FAM53B: variants seen among roughly 807,000 people sequenced by gnomAD.
The protein encoded by FAM53B is protein FAM53B.
In FAM53B, 12 loss-of-function variants were observed where a neutral mutation model predicts 32.7. The observed-to-expected ratio is 0.37, with a 90% CI of 0.24 to 0.59. The LOEUF (loss-of-function observed/expected upper bound fraction) is 0.59. FAM53B is among the 20% of genes least tolerant of loss of function. The probability of loss-of-function intolerance (pLI) is 0.72; values close to 1 mark genes in which losing one functional copy is unlikely to be tolerated. For synonymous variants in FAM53B, 234 were observed against 228.7 expected, an observed-to-expected ratio of 1.02 and a Z score of -0.21; for missense variants, 477 against 577.7, an observed-to-expected ratio of 0.83 and a Z score of 1.79.
chr10:124,706,579 C>G, intron 2 of FAM53B, 57 bp downstream of exon 2: 1 of 1,609,582 alleles, frequency 6.2e-7, no homozygotes, highest in Non-Finnish European at 8.5e-7. Context: ...ACAGCCCTGT[C>G]TGTACATCAG....
intron 3 of FAM53B, among the ~76,000 whole-genome samples, chr10:124,695,504 T>C (rs1195388617): frequency 1.3e-5 from 2 of 152,320 alleles, no homozygotes; most frequent in South Asian, 2.1e-4. Flanking sequence ...TCCTGGAAAC[T>C]ATCCTAGCAA....
intron 1 of FAM53B, among the ~76,000 whole-genome samples, chr10:124,726,919 G>T (rs1007658084): frequency 1.1e-4 from 17 of 152,214 alleles, no homozygotes; most frequent in Non-Finnish European, 2.4e-4. Context: ...GTACACAGCA[G>T]CTAGGCTGCC....
At chr10:124,732,554 C>T (rs151040787) in intron 1 of FAM53B, among the ~76,000 whole-genome samples, 45 of 152,332 alleles carry the variant, frequency 3.0e-4, no homozygotes, top group African/African-American at 1.0e-3. Context: ...GAACCTCACA[C>T]ATGCTTTTAA....
chr10:124,661,457 G>A (rs1200380107), intron 4 of FAM53B, among the ~76,000 whole-genome samples: 2 of 152,184 alleles, frequency 1.3e-5, no homozygotes, highest in African/African-American at 4.8e-5. Flanking sequence ...TTGTAAGCCA[G>A]GCCTCCTGAA....
intron 4 of FAM53B, 82 bp from the exon 5 acceptor site, chr10:124,623,686 G>C: frequency 6.8e-7 from 1 of 1,461,696 alleles, no homozygotes. Context: ...AAAGCAACTA[G>C]ACCACCAGGC....
chr10:124,684,831 T>G (rs955469979), intron 3 of FAM53B, among the ~76,000 whole-genome samples: 2 of 152,046 alleles, frequency 1.3e-5, no homozygotes, highest in African/African-American at 2.4e-5. Flanking sequence ...AAAGTAAAAT[T>G]AAAGGAAATA....
At chr10:124,737,729 G>C (rs1018236713) in intron 1 of FAM53B, among the ~76,000 whole-genome samples, 3 of 152,170 alleles carry the variant, frequency 2.0e-5, no homozygotes, top group Non-Finnish European at 2.9e-5. Flanking sequence ...TTCACAGGAA[G>C]ACAGGCTCTG....
At chr10:124,711,395 CTT>C (rs1438209605) in intron 1 of FAM53B, among the ~76,000 whole-genome samples, 5 of 152,046 alleles carry the variant, frequency 3.3e-5, no homozygotes, top group African/African-American at 9.7e-5. Context: ...TGTTCTGTGT[CTT>C]GACTGTATCC....
At chr10:124,705,172 T>A (rs1186539587) in intron 2 of FAM53B, among the ~76,000 whole-genome samples, 1 of 151,752 alleles carries the variant, frequency 6.6e-6, no homozygotes, top group Non-Finnish European at 1.5e-5. Flanking sequence ...ATGAGCAGAG[T>A]GGCACCAGTG....
In FAM53B at chr10:124,657,088, GTA is replaced by G. The variant is rs1175346975; in HGVS notation, c.906+24517_906+24518del. Among the ~76,000 whole-genome samples the G allele has an allele frequency of 2.5e-3, 224 of 89,950 alleles. 1 individual carries two copies. Among genetic ancestry groups the G allele is most frequent in the African/African-American group, 5.5e-3 (181 of 32,714 alleles). 59.0% of individuals were successfully genotyped at this position (89,950 alleles called of 152,430 possible). A position where few individuals can be genotyped will look rare whatever the true frequency, so the allele number is the denominator to read the frequency against. On this transcript the variant is annotated intron_variant, in intron 4 of 4. Transcript: ENST00000337318. ...TATATATATGTATATATATGTGTGTGTATATATATGTGTATATATATGTGTGT... is the reference window on the plus strand; with the variant it reads ...TATATATATGTATATATATGTGTGTGTATATATGTGTATATATATGTGTGT...
intron 1 of FAM53B, among the ~76,000 whole-genome samples, chr10:124,712,946 G>T (rs1950014740): frequency 6.6e-6 from 1 of 152,248 alleles, no homozygotes; most frequent in Non-Finnish European, 1.5e-5. Context: ...CCCCAAGAGT[G>T]CATCTGCCCA....
chr10:124,669,413 T>C (rs888014109), intron 4 of FAM53B, among the ~76,000 whole-genome samples: 1 of 152,194 alleles, frequency 6.6e-6, no homozygotes, highest in African/African-American at 2.4e-5. Flanking sequence ...GTGCCCGGCT[T>C]TACCAGCCTG....
intron 1 of FAM53B, among the ~76,000 whole-genome samples, chr10:124,710,935 CCATT>C (rs773991781): frequency 3.3e-5 from 5 of 152,168 alleles, no homozygotes; most frequent in Admixed American, 1.3e-4. Context: ...CTTCAAATGC[CCATT>C]CAAACAACTA....
intron 1 of FAM53B, 34 bp from the exon 2 acceptor site, chr10:124,706,921 G>A (rs1022769257): frequency 7.0e-7 from 1 of 1,419,802 alleles, no homozygotes; most frequent in Non-Finnish European, 9.2e-7. Context: ...AAAGATTCAG[G>A]ACTAAGAAAG....
At chr10:124,702,697 A>T (rs1949923175) in intron 2 of FAM53B, among the ~76,000 whole-genome samples, 1 of 152,194 alleles carries the variant, frequency 6.6e-6, no homozygotes, top group Non-Finnish European at 1.5e-5. Context: ...AGGTGGCATG[A>T]GGCTCAAGGA....
intron 2 of FAM53B, among the ~76,000 whole-genome samples, chr10:124,699,464 C>A (rs1420997357): frequency 6.6e-6 from 1 of 152,224 alleles, no homozygotes; most frequent in East Asian, 1.9e-4. Flanking sequence ...CCTCCTCATG[C>A]CGGTCTCCAA....
At chr10:124,712,203 A>C (rs868294109) in intron 1 of FAM53B, among the ~76,000 whole-genome samples, 6 of 152,046 alleles carry the variant, frequency 3.9e-5, no homozygotes, top group Non-Finnish European at 8.8e-5. Flanking sequence ...AAAAAATGCA[A>C]AAATTAGCTT....
intron 1 of FAM53B, among the ~76,000 whole-genome samples, chr10:124,722,879 A>G (rs990383998): frequency 1.2e-4 from 18 of 152,152 alleles, no homozygotes; most frequent in African/African-American, 4.3e-4. Context: ...TGTACTGCCT[A>G]TTCTTAAAAC....
chr10:124,729,335 A>G (rs1950126666), intron 1 of FAM53B, among the ~76,000 whole-genome samples: 1 of 152,106 alleles, frequency 6.6e-6, no homozygotes, highest in African/African-American at 2.4e-5. Flanking sequence ...GTGGGATGGG[A>G]GGGGGACACG....
Sources: allele counts gnomAD v4.1 joint callset (sites outside exome capture counted in the v4.1 genomes callset), GRCh38; gene constraint gnomAD v4.1.1; transcripts MANE v1.5; gene names NCBI Gene and HGNC (gene_info 2026-07-23, HGNC 2026-07-21).